MYH11: variants seen among roughly 807,000 people sequenced by gnomAD.
MYH11 encodes myosin heavy chain 11.
MYH11 carries 80 observed loss-of-function variants against 246.6 expected under a neutral mutation model. The ratio of observed to expected loss-of-function variants is 0.32; its 90% CI spans 0.27 to 0.39. The LOEUF is 0.39. MYH11 is among the 10% of genes least tolerant of loss of function. The probability of loss-of-function intolerance (pLI) is 1.00; values close to 1 mark genes in which losing one functional copy is unlikely to be tolerated. For missense variants in MYH11, 2,158 were observed against 2,546.8 expected, an observed-to-expected ratio of 0.85 and a Z score of 3.29; for synonymous variants, 1,071 against 1,015.5, an observed-to-expected ratio of 1.05 and a Z score of -1.04.
At chr16:15,856,789 A>T (rs1596969073) in intron 1 of MYH11, among the ~76,000 whole-genome samples, 152 bp downstream of exon 1, 1 of 152,044 alleles carries the variant, frequency 6.6e-6, no homozygotes, top group Non-Finnish European at 1.5e-5. Context: ...AGGCAGAGAG[A>T]GATCCAAATC....
At chr16:15,762,452 T>TAA (rs1203683575) in intron 10 of MYH11, among the ~76,000 whole-genome samples, 1 of 152,162 alleles carries the variant, frequency 6.6e-6, no homozygotes, top group Non-Finnish European at 1.5e-5. Flanking sequence ...CTCCTGGGGA[T>TAA]AACATCACTA....
chr16:15,768,672 A>C (rs191014568), intron 9 of MYH11, among the ~76,000 whole-genome samples: 8 of 152,324 alleles, frequency 5.3e-5, no homozygotes, highest in Admixed American at 3.3e-4. Context: ...TTTAATAGAA[A>C]ACTTTCTCTA....
At chr16:15,758,274 C>T (rs989169781) in intron 12 of MYH11, among the ~76,000 whole-genome samples, 9 of 152,164 alleles carry the variant, frequency 5.9e-5, no homozygotes, top group Non-Finnish European at 1.2e-4. Flanking sequence ...TCGTAAGGCA[C>T]GCTACTGCAT....
chr16:15,708,279 G>A (rs761727093), intron 40 of MYH11, among the ~76,000 whole-genome samples: 28 of 152,182 alleles, frequency 1.8e-4, no homozygotes, highest in Non-Finnish European at 3.5e-4. Context: ...ATCATGGGAG[G>A]ACTGGTTGCC....
chr16:15,810,022 G>A (rs967691308), intron 3 of MYH11, among the ~76,000 whole-genome samples: 3 of 151,488 alleles, frequency 2.0e-5, no homozygotes, highest in Admixed American at 6.6e-5. Context: ...TAATATTTAC[G>A]GTTTTTGTTT....
chr16:15,807,929 G>A (rs543576875), intron 3 of MYH11, among the ~76,000 whole-genome samples: 1 of 152,338 alleles, frequency 6.6e-6, no homozygotes, highest in East Asian at 1.9e-4. Flanking sequence ...TGTCTGGGAA[G>A]CCAGAGCACT....
At chr16:15,723,722 C>T (rs1229602971) in intron 31 of MYH11, among the ~76,000 whole-genome samples, 2 of 152,066 alleles carry the variant, frequency 1.3e-5, no homozygotes, top group African/African-American at 2.4e-5. Context: ...AGGTGTTCAC[C>T]GTACAATTCT....
At chr16:15,745,567 C>G (rs1270928219) in intron 19 of MYH11, among the ~76,000 whole-genome samples, 2 of 143,764 alleles carry the variant, frequency 1.4e-5, no homozygotes, top group African/African-American at 5.2e-5. Flanking sequence ...CTAGCTGTTT[C>G]TTTTTTCTTT....
At chr16:15,714,692 C>G in intron 40 of MYH11, 1 of 634,760 alleles carries the variant, frequency 1.6e-6, no homozygotes, top group Admixed American at 2.8e-5. Flanking sequence ...GTTAAAGGAT[C>G]TAGAAGGTTA....
intron 2 of MYH11, among the ~76,000 whole-genome samples, chr16:15,826,678 C>T (rs1056246536): frequency 6.6e-6 from 1 of 151,864 alleles, no homozygotes; most frequent in Non-Finnish European, 1.5e-5. Flanking sequence ...TCTGGGGGTG[C>T]TGCAGAGGAA....
intron 40 of MYH11, among the ~76,000 whole-genome samples, chr16:15,704,778 G>A (rs117760029): frequency 2.6e-5 from 4 of 152,318 alleles, no homozygotes; most frequent in Non-Finnish European, 5.9e-5. Flanking sequence ...GGAACATACC[G>A]CACATGGCGT....
chr16:15,833,618 C>T (rs74009452), intron 2 of MYH11, among the ~76,000 whole-genome samples: 3,901 of 152,230 alleles, frequency 0.026, 164 homozygotes, highest in African/African-American at 0.088. Context: ...CCTCTGGCTT[C>T]TATAGACTCT....
chr16:15,715,060 C>T lies in MYH11; in HGVS notation c.5635G>A (p.Val1879Ile), dbSNP rs138206921. Residue 1879 changes from valine (V) to isoleucine (I), a missense_variant, in exon 40 of 41, where the codon GTC becomes ATC. Val to Ile is a conservative substitution (Grantham distance 29). Transcript: ENST00000300036. ...TCCAGCTGCCTCTTGAGCTGCTTGA[C>T]CCTGGCATTGCCTTTCTCTGCCTGT... is the stretch of plus-strand genomic sequence containing the variant. ...KEQAEKGNAR[V>I]KQLKRQLEEA... 235 of 1,613,332 alleles carry T rather than the reference C, an allele frequency of 1.5e-4. No homozygotes were observed. The highest frequency in any genetic ancestry group is 7.4e-5 in the Non-Finnish European group (87 of 1,180,020).
chr16:15,833,589 T>C (rs2151377312), intron 2 of MYH11, among the ~76,000 whole-genome samples: 1 of 152,236 alleles, frequency 6.6e-6, no homozygotes, highest in East Asian at 1.9e-4. Context: ...CCTGCATCTC[T>C]AAGATTAGGA....
intron 14 of MYH11, among the ~76,000 whole-genome samples, chr16:15,756,043 A>G (rs1357008414): frequency 6.6e-6 from 1 of 152,178 alleles, no homozygotes; most frequent in Non-Finnish European, 1.5e-5. Context: ...GGCTGTAGTG[A>G]GCTATGATCG....
intron 2 of MYH11, among the ~76,000 whole-genome samples, chr16:15,829,007 A>G (rs148106117): frequency 0.021 from 3,215 of 152,004 alleles, 36 homozygotes; most frequent in Non-Finnish European, 0.033. Flanking sequence ...AACATGGCAA[A>G]ACCCCGTCTT....
intron 40 of MYH11, among the ~76,000 whole-genome samples, chr16:15,706,568 G>A (rs1037786156): frequency 2.6e-5 from 4 of 152,096 alleles, no homozygotes; most frequent in South Asian, 2.1e-4. Flanking sequence ...TTAGCCGTGC[G>A]TGGTGGCAGG....
At chr16:15,835,064 G>C (rs1005224795) in intron 2 of MYH11, among the ~76,000 whole-genome samples, 8 of 144,668 alleles carry the variant, frequency 5.5e-5, no homozygotes, top group Non-Finnish European at 9.0e-5. Context: ...CTCAAAGACA[G>C]AGTAAGCCCC....
intron 24 of MYH11, 51 bp downstream of exon 24, chr16:15,738,513 TA>T (rs989175983): frequency 5.0e-5 from 76 of 1,526,374 alleles, no homozygotes; most frequent in East Asian, 7.4e-5. Context: ...ACCTCATCTC[TA>T]AAAAAAATAA....
Sources: gnomAD v4.1 joint callset for allele counts (sites outside exome capture counted in the v4.1 genomes callset) on GRCh38, gnomAD v4.1.1 for gene constraint, MANE v1.5 for transcripts, NCBI Gene and HGNC (gene_info 2026-07-23, HGNC 2026-07-21) for gene names.